Variants in NRXN1 observed in about 807,000 individuals in gnomAD.
NRXN1 encodes the protein neurexin 1, also known as neurexin-1.
NRXN1 carries 39 observed loss-of-function variants against 150.9 expected under a neutral mutation model. The ratio of observed to expected loss-of-function variants is 0.26; its 90% CI spans 0.20 to 0.34. The LOEUF is 0.34. NRXN1 is among the 10% of genes least tolerant of loss of function. NRXN1 has a pLI of 1.00. For synonymous variants in NRXN1, 924 were observed against 757.0 expected (o/e 1.22, Z -3.62); for missense variants, 1,815 against 1,949.9 (o/e 0.93, Z 1.30).
At chr2:50,502,429 A>G (rs933852747) in intron 13 of NRXN1, among the ~76,000 whole-genome samples, 14 of 147,284 alleles carry the variant, frequency 9.5e-5, no homozygotes, top group African/African-American at 3.2e-4. Flanking sequence ...TCTTGCACCC[A>G]CAAAGGGAAT....
At chr2:50,037,153 A>C (rs927885568) in intron 21 of NRXN1, among the ~76,000 whole-genome samples, 21 of 152,336 alleles carry the variant, frequency 1.4e-4, no homozygotes, top group African/African-American at 4.1e-4. Context: ...TTAAATTAAT[A>C]GATGAAATAG....
At chr2:50,255,171 G>T (rs572256136) in intron 17 of NRXN1, among the ~76,000 whole-genome samples, 1 of 152,188 alleles carries the variant, frequency 6.6e-6, no homozygotes, top group African/African-American at 2.4e-5. Context: ...TGGAAAGTTA[G>T]GTCACTTACA....
intron 18 of NRXN1, among the ~76,000 whole-genome samples, chr2:50,099,175 T>C (rs2152707823): frequency 6.6e-6 from 1 of 152,134 alleles, no homozygotes; most frequent in East Asian, 1.9e-4. Flanking sequence ...TCTAAGCCTG[T>C]GCCAGTCCTC....
At chr2:50,620,318 T>C (rs1679785783) in intron 7 of NRXN1, 135 bp from the exon 8 acceptor site, 2 of 1,054,642 alleles carry the variant, frequency 1.9e-6, no homozygotes, top group Non-Finnish European at 2.7e-6. Context: ...TTTCTGTTTG[T>C]TTGGTTTTTG....
In NRXN1 at chr2:50,105,096, T is replaced by C. The variant is rs900666022; in HGVS notation, c.3547-13602A>G. 9 of 152,156 alleles carry C rather than the reference T, an allele frequency of 5.9e-5. 1 individual carries two copies. The highest frequency in any genetic ancestry group is 5.2e-4 in the Admixed American group (8 of 15,254). The allele number at this position is 152,156 out of a possible 1,614,324, so 9.4% of individuals were successfully genotyped here. A position where few individuals can be genotyped will look rare whatever the true frequency, so the allele number is the denominator to read the frequency against. Reference sequence around the variant, plus strand: ...AAACTAAGAGCTTTCAACCACATCATGCTACTCCTTCTGCAGAGTCTTCAT... The same window carrying C: ...AAACTAAGAGCTTTCAACCACATCACGCTACTCCTTCTGCAGAGTCTTCAT... On this transcript the variant is annotated intron_variant, in intron 18 of 22. Transcript: ENST00000401669.
chr2:50,590,210 A>G (rs1354088823), intron 8 of NRXN1, among the ~76,000 whole-genome samples: 3 of 152,180 alleles, frequency 2.0e-5, no homozygotes, highest in African/African-American at 7.2e-5. Flanking sequence ...GCCCTCAAAT[A>G]AGTTCCAAGT....
intron 5 of NRXN1, among the ~76,000 whole-genome samples, chr2:50,862,489 A>G (rs957524750): frequency 1.3e-5 from 2 of 152,024 alleles, no homozygotes; most frequent in African/African-American, 4.8e-5. Flanking sequence ...TTTCAGCATT[A>G]AGTGGTCTAA....
At chr2:51,017,382 C>CTGGA (rs1229462238) in intron 2 of NRXN1, among the ~76,000 whole-genome samples, 2 of 149,840 alleles carry the variant, frequency 1.3e-5, no homozygotes, top group Admixed American at 6.7e-5. Context: ...GTTGCTCAGG[C>CTGGA]TGGAGTGCAG....
chr2:50,986,803 C>A (rs1697796360), intron 2 of NRXN1, among the ~76,000 whole-genome samples: 1 of 151,212 alleles, frequency 6.6e-6, no homozygotes, highest in Admixed American at 6.6e-5. Flanking sequence ...TGGAAAAAAG[C>A]AACTCACAGA....
At chr2:50,365,225 GT>G (rs2079504414) in intron 17 of NRXN1, among the ~76,000 whole-genome samples, 1 of 151,746 alleles carries the variant, frequency 6.6e-6, no homozygotes, top group African/African-American at 2.4e-5. Flanking sequence ...TTGCTTTAAT[GT>G]TTAGGTTCAC....
intron 18 of NRXN1, among the ~76,000 whole-genome samples, chr2:50,147,137 A>G (rs972847): frequency 0.74 from 111,517 of 151,552 alleles, 41,793 homozygotes; most frequent in African/African-American, 0.87. Flanking sequence ...ATCTGGGATC[A>G]TCAGGAGGTC....
intron 5 of NRXN1, among the ~76,000 whole-genome samples, chr2:50,843,039 G>C (rs907045367): frequency 6.6e-6 from 1 of 152,156 alleles, no homozygotes; most frequent in Non-Finnish European, 1.5e-5. Flanking sequence ...AAGTCTATGT[G>C]TATAGTACTC....
chr2:50,924,610 G>C (rs1397045713), intron 3 of NRXN1, among the ~76,000 whole-genome samples: 1 of 151,544 alleles, frequency 6.6e-6, no homozygotes, highest in African/African-American at 2.4e-5. Context: ...TAGGCCTGCA[G>C]GGTAATATAT....
At chr2:50,554,758 T>G (rs1315142852) in intron 8 of NRXN1, among the ~76,000 whole-genome samples, 1 of 152,176 alleles carries the variant, frequency 6.6e-6, no homozygotes, top group Non-Finnish European at 1.5e-5. Flanking sequence ...TTGTGCCAAC[T>G]AAATAAGTCA....
intron 5 of NRXN1, among the ~76,000 whole-genome samples, chr2:50,831,587 T>C (rs1326734987): frequency 1.3e-5 from 2 of 152,186 alleles, no homozygotes; most frequent in Non-Finnish European, 2.9e-5. Context: ...TTCTTCAGAG[T>C]GTATAAATAT....
chr2:50,691,174 T>C (rs1692019479), intron 5 of NRXN1, among the ~76,000 whole-genome samples: 1 of 152,176 alleles, frequency 6.6e-6, no homozygotes, highest in East Asian at 1.9e-4. Context: ...GCATCGTTGA[T>C]TTTATACCCT....
intron 5 of NRXN1, among the ~76,000 whole-genome samples, chr2:50,737,898 C>CT (rs1035982206): frequency 1.5e-4 from 22 of 151,232 alleles, no homozygotes; most frequent in Non-Finnish European, 8.9e-5. Flanking sequence ...GACTTTTCTT[C>CT]TTTTTTTTTA....
intron 5 of NRXN1, chr2:50,656,529 C>T (rs1189502084): frequency 8.5e-6 from 5 of 588,618 alleles, no homozygotes; most frequent in East Asian, 8.5e-5. Context: ...TAATTTATCC[C>T]CTAAATAATA....
intron 18 of NRXN1, among the ~76,000 whole-genome samples, chr2:50,162,304 A>G (rs2059411034): frequency 6.6e-6 from 1 of 152,146 alleles, no homozygotes; most frequent in Admixed American, 6.6e-5. Flanking sequence ...AAGCAACTCA[A>G]ACTAGGAAAA....
Sources: gnomAD v4.1 joint callset for allele counts (sites outside exome capture counted in the v4.1 genomes callset) on GRCh38, gnomAD v4.1.1 for gene constraint, MANE v1.5 for transcripts, NCBI Gene and HGNC (gene_info 2026-07-23, HGNC 2026-07-21) for gene names.